CDH20: variants seen among roughly 807,000 people sequenced by gnomAD.
CDH20 encodes the protein cadherin 20.
CDH20 carries 29 observed loss-of-function variants against 74.2 expected under a neutral mutation model. The observed-to-expected ratio is 0.39, with a 90% confidence interval of 0.29 to 0.53. CDH20 has a LOEUF of 0.53. Among genes scored for constraint, CDH20 ranks in the 20% least tolerant of loss-of-function variants. The pLI is 0.69. For missense variants in CDH20, 988 were observed against 1,048.3 expected, an observed-to-expected ratio of 0.94 and a Z score of 0.79; for synonymous variants, 469 against 405.4, an observed-to-expected ratio of 1.16 and a Z score of -1.88.
intron 1 of CDH20, among the ~76,000 whole-genome samples, chr18:61,401,817 T>C (rs1912164709): frequency 1.3e-5 from 2 of 152,176 alleles, no homozygotes; most frequent in South Asian, 4.1e-4. Flanking sequence ...ATGAAGGAGA[T>C]AAAATTTGCA....
At chr18:61,444,146 C>T (rs1261726541) in intron 1 of CDH20, among the ~76,000 whole-genome samples, 1 of 151,918 alleles carries the variant, frequency 6.6e-6, no homozygotes, top group Non-Finnish European at 1.5e-5. Flanking sequence ...ATTTATGGTC[C>T]ATCTCTCTGT....
intron 1 of CDH20, among the ~76,000 whole-genome samples, chr18:61,461,818 C>G (rs2144359825): frequency 6.6e-6 from 1 of 152,204 alleles, no homozygotes. Context: ...GGTATACACC[C>G]CTTGCAAATG....
intron 6 of CDH20, among the ~76,000 whole-genome samples, chr18:61,509,005 T>C (rs632561): frequency 6.6e-6 from 1 of 152,200 alleles, no homozygotes; most frequent in African/African-American, 2.4e-5. Flanking sequence ...GTTTTCATTG[T>C]TATGTAGGAG....
At chr18:61,531,858 C>A (rs1912656108) in intron 7 of CDH20, among the ~76,000 whole-genome samples, 1 of 152,216 alleles carries the variant, frequency 6.6e-6, no homozygotes, top group Non-Finnish European at 1.5e-5. Flanking sequence ...ATGTGAAGGA[C>A]ATGTTTGCGT....
At chr18:61,420,828 T>G (rs552462405) in intron 1 of CDH20, among the ~76,000 whole-genome samples, 1 of 152,136 alleles carries the variant, frequency 6.6e-6, no homozygotes, top group African/African-American at 2.4e-5. Context: ...CTGAGGTGGG[T>G]GGATCGCCTG....
chr18:61,462,723 AAG>A (rs201763228), intron 1 of CDH20, among the ~76,000 whole-genome samples: 36,988 of 128,370 alleles, frequency 0.29, 5,638 homozygotes, highest in African/African-American at 0.37. Context: ...CAAAAAAAAA[AAG>A]GGGGGGGGGG....
chr18:61,340,164 C>A (rs1220463961), intron 1 of CDH20, among the ~76,000 whole-genome samples: 1 of 150,540 alleles, frequency 6.6e-6, no homozygotes, highest in Non-Finnish European at 1.5e-5. Flanking sequence ...TAACCTTCCA[C>A]CCAAAATGAA....
chr18:61,441,826 T>C (rs575974721), intron 1 of CDH20, among the ~76,000 whole-genome samples: 1 of 152,300 alleles, frequency 6.6e-6, no homozygotes, highest in Non-Finnish European at 1.5e-5. Context: ...TTTTTAAGAC[T>C]TTCCTGTACA....
intron 1 of CDH20, among the ~76,000 whole-genome samples, chr18:61,401,484 G>T (rs1341162138): frequency 2.0e-5 from 3 of 152,130 alleles, no homozygotes; most frequent in Non-Finnish European, 4.4e-5. Flanking sequence ...TAGGATAACA[G>T]GGAAACAAGA....
chr18:61,533,082 G>A (rs1303970237), intron 7 of CDH20, among the ~76,000 whole-genome samples: 1 of 152,124 alleles, frequency 6.6e-6, no homozygotes, highest in Admixed American at 6.6e-5. Context: ...GGAGTTTGAG[G>A]AGTTTGAGGC....
intron 6 of CDH20, among the ~76,000 whole-genome samples, chr18:61,524,952 G>A (rs182617370): frequency 6.6e-6 from 1 of 152,168 alleles, no homozygotes; most frequent in Admixed American, 6.5e-5. Context: ...ATGCAACATG[G>A]ATGAATCTCA....
chr18:61,398,402 C>T (rs770033912), intron 1 of CDH20, among the ~76,000 whole-genome samples: 41 of 152,048 alleles, frequency 2.7e-4, no homozygotes, highest in Non-Finnish European at 1.0e-4. Context: ...TCTATATGTA[C>T]ATATTTACTC....
intron 1 of CDH20, among the ~76,000 whole-genome samples, chr18:61,425,811 A>T (rs112508490): frequency 1.3e-5 from 2 of 152,294 alleles, no homozygotes; most frequent in African/African-American, 4.8e-5. Context: ...GAACTTATCC[A>T]TGTAAACAAA....
rs776472532 is a variant in CDH20 at position 61,539,130 on chromosome 18, C to T, written c.1515C>T (p.Asn505=). The T allele has an allele frequency of 1.3e-5, 21 of 1,613,952 alleles. No individual in the cohort carries two copies. The East Asian group carries it at 2.2e-4, about 17-fold the overall frequency. ...TCTATGAAGCTTTTGTCTGTGAGAA[C>T]GCCAAGGCAGGACAGGTAAGGTGGC... ...PRFYEAFVCE[N]AKAGQLIQTV... Residue 505 remains asparagine (N), a synonymous_variant, in exon 9 of 12, where the codon AAC becomes AAT. Coordinates refer to ENST00000262717, the MANE Select transcript of CDH20 (RefSeq NM_031891.4).
intron 1 of CDH20, among the ~76,000 whole-genome samples, chr18:61,455,610 T>C (rs1277797119): frequency 6.6e-6 from 1 of 152,134 alleles, no homozygotes; most frequent in Non-Finnish European, 1.5e-5. Context: ...GAGGCACAAA[T>C]TTTGAGTCAT....
At chr18:61,525,272 T>G (rs141212280) in intron 6 of CDH20, among the ~76,000 whole-genome samples, 1 of 152,288 alleles carries the variant, frequency 6.6e-6, no homozygotes, top group East Asian at 1.9e-4. Context: ...AAATATCTTA[T>G]TTTTTAAAAC....
At chr18:61,449,050 A>G (rs1308450877) in intron 1 of CDH20, among the ~76,000 whole-genome samples, 2 of 152,148 alleles carry the variant, frequency 1.3e-5, no homozygotes, top group African/African-American at 4.8e-5. Context: ...CCCCATTTAT[A>G]TTTTGCTTTC....
chr18:61,384,421 T>C (rs77904124), intron 1 of CDH20, among the ~76,000 whole-genome samples: 6,240 of 152,236 alleles, frequency 0.041, 169 homozygotes, highest in South Asian at 0.09. Context: ...AAGAAATGCC[T>C]GCCCTATGCC....
At chr18:61,334,995 C>G (rs1909710291) in intron 1 of CDH20, among the ~76,000 whole-genome samples, 1 of 152,142 alleles carries the variant, frequency 6.6e-6, no homozygotes, top group African/African-American at 2.4e-5. Context: ...AAGGAAATTA[C>G]CCACTCAGAG....
Sources: gnomAD v4.1 joint callset for allele counts (sites outside exome capture counted in the v4.1 genomes callset) on GRCh38, gnomAD v4.1.1 for gene constraint, MANE v1.5 for transcripts, NCBI Gene and HGNC (gene_info 2026-07-23, HGNC 2026-07-21) for gene names.